Variants in RARB observed in about 807,000 individuals in gnomAD.
RARB encodes retinoic acid receptor beta.
RARB carries 17 observed loss-of-function variants against 51.9 expected under a neutral mutation model. The ratio of observed to expected loss-of-function variants is 0.33; its 90% CI spans 0.22 to 0.49. The LOEUF (loss-of-function observed/expected upper bound fraction) is 0.49, where lower values mean the gene tolerates loss of function less well. Among genes scored for constraint, RARB ranks in the 20% least tolerant of loss-of-function variants. The pLI is 0.99. For synonymous variants in RARB, 215 were observed against 195.4 expected (o/e 1.10, Z -0.84); for missense variants, 369 against 550.8 (o/e 0.67, Z 3.30).
At chr3:24,902,004 T>C (rs1357266127) in intron 2 of RARB, among the ~76,000 whole-genome samples, 1 of 151,110 alleles carries the variant, frequency 6.6e-6, no homozygotes, top group Non-Finnish European at 1.5e-5. Flanking sequence ...AAAATATAAA[T>C]ATATATAACA....
chr3:24,957,035 A>T (rs1696031943), intron 2 of RARB, among the ~76,000 whole-genome samples: 1 of 152,336 alleles, frequency 6.6e-6, no homozygotes, highest in Middle Eastern at 3.4e-3. Context: ...CCAATCAACT[A>T]TTAGATGCTG....
chr3:25,188,714 T>A (rs1365387592), intron 5 of RARB, among the ~76,000 whole-genome samples: 1 of 152,024 alleles, frequency 6.6e-6, no homozygotes, highest in Non-Finnish European at 1.5e-5. Context: ...TAACTACCAT[T>A]TGTGTGAGAA....
At chr3:25,512,531 C>G (rs1485271286) in intron 3 of RARB, among the ~76,000 whole-genome samples, 1 of 152,198 alleles carries the variant, frequency 6.6e-6, no homozygotes, top group Non-Finnish European at 1.5e-5. Context: ...TCATGTGCCC[C>G]CAAATGTGCC....
intron 5 of RARB, among the ~76,000 whole-genome samples, chr3:25,213,519 T>A (rs1194103710): frequency 6.6e-6 from 1 of 152,226 alleles, no homozygotes. Context: ...TAAGGCACTC[T>A]GAGCATCCTT....
chr3:25,594,573 C>G lies in RARB; in HGVS notation c.1045C>G (p.Leu349Val). 1.2e-6 allele frequency: 2 copies of G among 1,613,792 alleles called. No homozygotes were observed. Among genetic ancestry groups the G allele is most frequent in the Non-Finnish European group, 1.7e-6 (2 of 1,179,852 alleles). ...TKVDKLQEPL[L>V]EALKIYIRKR... ...AGTAGATAAGCTACAAGAACCATTG[C>G]TGGAAGCACTAAAAATTTATATCAG... Residue 349 changes from leucine (L) to valine (V), a missense_variant, in exon 7 of 8, where the codon CTG (leucine) becomes GTG (valine). Around this residue, in one of 9 missense-constraint regions of RARB, gnomAD observed 76 missense variants for 153.3 expected, o/e 0.50. Coordinates refer to ENST00000330688, the MANE Select transcript of RARB (RefSeq NM_000965.5).
At chr3:24,906,844 C>CAAAAAAAAAAAAAAAAAAAAAAACAAA (rs397875286) in intron 2 of RARB, among the ~76,000 whole-genome samples, 1 of 76,040 alleles carries the variant, frequency 1.3e-5, no homozygotes, top group Non-Finnish European at 2.6e-5. Flanking sequence ...GATTCCGTCT[C>CAAAAAAAAAAAAAAAAAAAAAAACAAA]AAAAAAAAAA....
intron 5 of RARB, among the ~76,000 whole-genome samples, chr3:25,208,153 C>G (rs578128784): frequency 2.6e-5 from 4 of 152,164 alleles, no homozygotes; most frequent in Non-Finnish European, 5.9e-5. Flanking sequence ...CCACATGATC[C>G]AATCACCTTT....
intron 5 of RARB, among the ~76,000 whole-genome samples, chr3:25,233,593 G>A (rs987935081): frequency 6.6e-6 from 1 of 152,048 alleles, no homozygotes; most frequent in Non-Finnish European, 1.5e-5. Context: ...AGGATAGTGA[G>A]AACAGACATA....
In RARB at chr3:25,007,592, C is replaced by CAAAAAAAAAAAAAAAA. The variant is rs759589176; in HGVS notation, c.-379-52521_-379-52520insAAAAAAAAAAAAAAAA. Among the ~76,000 whole-genome samples the CAAAAAAAAAAAAAAAA allele has an allele frequency of 5.3e-3, 242 of 45,370 alleles. 35 individuals are homozygous for CAAAAAAAAAAAAAAAA. Among genetic ancestry groups the CAAAAAAAAAAAAAAAA allele is most frequent in the East Asian group, 0.013 (13 of 1,002 alleles). 29.8% of individuals were successfully genotyped at this position (45,370 alleles called of 152,430 possible). On this transcript the variant is annotated intron_variant, in intron 2 of 11. Transcript: ENST00000383772. Reference sequence around the variant, plus strand: ...CCTGGGCAACAGAGTGAGACTGTCTCAAAAAAAAAAAACAAAAAAACCTCA... The same window carrying CAAAAAAAAAAAAAAAA: ...CCTGGGCAACAGAGTGAGACTGTCTCAAAAAAAAAAAAAAAAAAAAAAAAAAAACAAAAAAACCTCA...
chr3:24,999,606 G>T (rs1180047666), intron 2 of RARB, among the ~76,000 whole-genome samples: 1 of 152,180 alleles, frequency 6.6e-6, no homozygotes, highest in Admixed American at 6.6e-5. Flanking sequence ...TTAGACTGCA[G>T]TGCCCAAATT....
chr3:25,026,363 C>A (rs1472679713), intron 2 of RARB, among the ~76,000 whole-genome samples: 3 of 152,170 alleles, frequency 2.0e-5, no homozygotes, highest in Admixed American at 6.6e-5. Context: ...CATTTTCTCA[C>A]AATTTTGGGG....
intron 5 of RARB, among the ~76,000 whole-genome samples, chr3:25,202,464 T>G (rs574400524): frequency 1.3e-5 from 2 of 152,332 alleles, no homozygotes; most frequent in South Asian, 4.1e-4. Context: ...TAGTTATTTC[T>G]TGCCTTCTGC....
At chr3:25,194,064 T>C (rs1021171011) in intron 5 of RARB, among the ~76,000 whole-genome samples, 3 of 151,634 alleles carry the variant, frequency 2.0e-5, no homozygotes, top group African/African-American at 7.3e-5. Flanking sequence ...TATATATGAA[T>C]ATTCAGGCTT....
chr3:25,558,116 A>G (rs1051428084), intron 3 of RARB, among the ~76,000 whole-genome samples: 9 of 152,224 alleles, frequency 5.9e-5, no homozygotes, highest in African/African-American at 2.2e-4. Flanking sequence ...GTTTGTAAAC[A>G]TGGGTAGTTT....
chr3:25,070,165 G>A (rs898014225), intron 3 of RARB, among the ~76,000 whole-genome samples: 9 of 152,132 alleles, frequency 5.9e-5, no homozygotes, highest in South Asian at 2.1e-4. Context: ...AGCGCATGGC[G>A]TTCTCCCTGT....
At chr3:25,484,935 G>T (rs919040692) in intron 2 of RARB, among the ~76,000 whole-genome samples, 1 of 152,050 alleles carries the variant, frequency 6.6e-6, no homozygotes. Context: ...AGCTGGGAAG[G>T]TTATAAATAT....
chr3:25,274,369 T>TGG (rs1329540962), intron 5 of RARB, among the ~76,000 whole-genome samples: 1 of 147,142 alleles, frequency 6.8e-6, no homozygotes, highest in African/African-American at 2.7e-5. Context: ...TACAGGGTGG[T>TGG]GCCCTTCCAG....
chr3:25,274,351 G>C (rs1703327676), intron 5 of RARB, among the ~76,000 whole-genome samples: 1 of 151,980 alleles, frequency 6.6e-6, no homozygotes, highest in Non-Finnish European at 1.5e-5. Context: ...AATGGCCATA[G>C]GCTACCATAC....
chr3:25,212,316 T>G (rs1210720049), intron 5 of RARB, among the ~76,000 whole-genome samples: 1 of 152,222 alleles, frequency 6.6e-6, no homozygotes, highest in Non-Finnish European at 1.5e-5. Context: ...GTGACCTATG[T>G]TACATTAGAA....
Sources: allele counts gnomAD v4.1 joint callset (sites outside exome capture counted in the v4.1 genomes callset), GRCh38; gene constraint gnomAD v4.1.1; regional missense constraint gnomAD v4.1.1; transcripts MANE v1.5; gene names NCBI Gene and HGNC (gene_info 2026-07-23, HGNC 2026-07-21).